The following FBXO38 variants were observed in gnomAD, a reference collection of about 807,000 sequenced individuals.
The protein encoded by FBXO38 is F-box only protein 38.
A neutral mutation model predicts 131.9 loss-of-function variants in FBXO38; 53 were observed. The observed-to-expected ratio is 0.40, with a 90% CI of 0.32 to 0.51. The LOEUF is 0.51. Ranked by LOEUF, FBXO38 falls within the 20% of genes least tolerant of loss-of-function variation. The pLI is 0.53. For missense variants in FBXO38, 1,076 were observed against 1,475.6 expected, an observed-to-expected ratio of 0.73 and a Z score of 4.44; for synonymous variants, 452 against 505.6, an observed-to-expected ratio of 0.89 and a Z score of 1.42.
chr5:148,420,010 A>G (rs1753315651), intron 12 of FBXO38, among the ~76,000 whole-genome samples: 1 of 152,158 alleles, frequency 6.6e-6, no homozygotes, highest in African/African-American at 2.4e-5. Context: ...TTGTATTTTG[A>G]GAAGTCTTAG....
At chr5:148,406,801 TTA>T (rs1432355406) in intron 7 of FBXO38, among the ~76,000 whole-genome samples, 3 of 152,082 alleles carry the variant, frequency 2.0e-5, no homozygotes, top group Non-Finnish European at 2.9e-5. Flanking sequence ...ACATAATACT[TTA>T]TAATATAAAA....
At chr5:148,412,898 TATC>T (rs1378888207) in intron 9 of FBXO38, among the ~76,000 whole-genome samples, 1 of 152,040 alleles carries the variant, frequency 6.6e-6, no homozygotes. Context: ...TCTCAAGTAA[TATC>T]ATCAGGATTT....
At chr5:148,419,150 G>C (rs1433359304) in intron 12 of FBXO38, among the ~76,000 whole-genome samples, 1 of 152,124 alleles carries the variant, frequency 6.6e-6, no homozygotes, top group Non-Finnish European at 1.5e-5. Flanking sequence ...AATGTATAAA[G>C]CATAATTGTA....
intron 10 of FBXO38, 30 bp downstream of exon 10, chr5:148,414,336 T>A: frequency 6.7e-7 from 1 of 1,503,074 alleles, no homozygotes; most frequent in Non-Finnish European, 9.0e-7. Context: ...ACAGCTATGT[T>A]TTATTGATAC....
intron 14 of FBXO38, among the ~76,000 whole-genome samples, chr5:148,426,972 A>G (rs1040498325): frequency 6.6e-5 from 10 of 152,154 alleles, no homozygotes; most frequent in Non-Finnish European, 1.0e-4. Context: ...ACATGGAAAG[A>G]TGGTTTGGAA....
In FBXO38 at chr5:148,427,487, G is replaced by A. The variant is rs534783608; in HGVS notation, c.2193G>A (p.Val731=). 1 of 1,614,244 alleles carries A rather than the reference G, an allele frequency of 6.2e-7. No homozygotes were observed. The highest frequency in any genetic ancestry group is 1.3e-5 in the African/African-American group (1 of 75,060). ...AAAGCCCCGACTTTGTAAGGACGGTGAACAGCGGCGGCTCTTCCGAGCCTA... is the reference window on the plus strand; with the variant it reads ...AAAGCCCCGACTTTGTAAGGACGGTAAACAGCGGCGGCTCTTCCGAGCCTA... ...ASQSPDFVRT[V]NSGGSSEPSP... Residue 731 remains valine, a synonymous_variant, in exon 15 of 22, where the codon GTG becomes GTA. Coordinates refer to ENST00000340253, the MANE Select transcript of FBXO38 (RefSeq NM_205836.3).
intron 3 of FBXO38, among the ~76,000 whole-genome samples, chr5:148,399,865 A>G (rs964296433): frequency 1.3e-5 from 2 of 151,988 alleles, no homozygotes; most frequent in Admixed American, 1.3e-4. Flanking sequence ...TCCTTTTTCT[A>G]TGATGTCCAG....
At chr5:148,386,207 T>A (rs558147429) in intron 1 of FBXO38, among the ~76,000 whole-genome samples, 48 of 152,198 alleles carry the variant, frequency 3.2e-4, no homozygotes, top group Admixed American at 2.9e-3. Flanking sequence ...TCTAGAAGCC[T>A]TTCTCCAAGC....
At chr5:148,394,660 G>A (rs1230566475) in intron 1 of FBXO38, 54 bp from the exon 2 acceptor site, 19 of 821,896 alleles carry the variant, frequency 2.3e-5, no homozygotes, top group Non-Finnish European at 3.3e-5. Context: ...GTTTAACCTG[G>A]GTTTTAGTAG....
Position 148,425,679 on chromosome 5 carries a change from A to T in FBXO38, c.1896A>T (p.Ser632=), listed in dbSNP as rs1206973749. The change falls in exon 14 of 22, where the codon TCA becomes TCT. Residue 632 remains serine, a synonymous_variant. Coordinates refer to ENST00000340253, the MANE Select transcript of FBXO38 (RefSeq NM_205836.3). The part of the protein sequence containing the change: ...YSEREEKTGE[S]VQSRELSVSG... ...AACGTGAAGAAAAAACTGGAGAGTC[A>T]GTGCAGTCCAGAGAATTGTCAGGTG... 6.2e-7 allele frequency: 1 copy of T among 1,613,716 alleles called. No individual in the cohort carries two copies. The highest frequency in any genetic ancestry group is 1.7e-5 in the Admixed American group (1 of 59,954).
chr5:148,397,231 C>A (rs945575637), intron 2 of FBXO38, among the ~76,000 whole-genome samples: 6 of 152,040 alleles, frequency 3.9e-5, no homozygotes, highest in African/African-American at 1.4e-4. Context: ...CTTTGCTGTC[C>A]CTGCTATGCT....
intron 14 of FBXO38, among the ~76,000 whole-genome samples, chr5:148,426,370 CACTG>C (rs1205316588): frequency 6.6e-6 from 1 of 152,200 alleles, no homozygotes; most frequent in Non-Finnish European, 1.5e-5. Flanking sequence ...ACACATTTAA[CACTG>C]ACCCTGGAAC....
chr5:148,404,280 G>A (rs1342943354), intron 5 of FBXO38, among the ~76,000 whole-genome samples: 2 of 152,174 alleles, frequency 1.3e-5, no homozygotes, highest in African/African-American at 4.8e-5. Context: ...GGGGGCAGTG[G>A]ATGTTGGTAG....
intron 14 of FBXO38, among the ~76,000 whole-genome samples, chr5:148,426,476 T>C (rs1167989617): frequency 6.6e-6 from 1 of 152,224 alleles, no homozygotes; most frequent in East Asian, 1.9e-4. Flanking sequence ...TTATTTCTTT[T>C]AAGAAATTCA....
chr5:148,406,774 T>C (rs1174873687), intron 7 of FBXO38, among the ~76,000 whole-genome samples: 1 of 152,164 alleles, frequency 6.6e-6, no homozygotes, highest in East Asian at 1.9e-4. Flanking sequence ...TAGGCATTAA[T>C]AATGTTAATC....
At chr5:148,436,380 A>G (rs1754348774) in intron 17 of FBXO38, among the ~76,000 whole-genome samples, 1 of 152,232 alleles carries the variant, frequency 6.6e-6, no homozygotes, top group African/African-American at 2.4e-5. Flanking sequence ...AGAAAGCCCA[A>G]GTGCTTAAAA....
intron 6 of FBXO38, among the ~76,000 whole-genome samples, chr5:148,405,629 A>G (rs1240781781): frequency 1.3e-5 from 2 of 151,930 alleles, no homozygotes; most frequent in Non-Finnish European, 2.9e-5. Context: ...TTCCATCTCA[A>G]TGTCTTCTCT....
Position 148,438,435 on chromosome 5 carries a change from A to T in FBXO38, c.2961A>T (p.Leu987=). 2 of 1,614,038 alleles carry T rather than the reference A, an allele frequency of 1.2e-6. No individual in the cohort carries two copies. The highest frequency in any genetic ancestry group is 1.7e-6 in the Non-Finnish European group (2 of 1,179,850). The change falls in exon 18 of 22, where the codon CTA becomes CTT. Residue 987 remains leucine, a synonymous_variant. Transcript: ENST00000340253. ...QCKKLNMDQV[L]DQILRMPPER... is the part of the protein sequence containing the mutation. ...AGAAACTGAACATGGATCAGGTACTAGACCAGATACTAAGAATGCCACCCG... is the reference window on the plus strand; with the variant it reads ...AGAAACTGAACATGGATCAGGTACTTGACCAGATACTAAGAATGCCACCCG...
Position 148,427,779 on chromosome 5 carries a change from G to A in FBXO38, c.2485G>A (p.Ala829Thr), listed in dbSNP as rs985785678. 9.3e-6 allele frequency: 15 copies of A among 1,611,208 alleles called. No homozygotes were observed. The highest frequency in any genetic ancestry group is 1.3e-5 in the Non-Finnish European group (15 of 1,178,508). ...GCCACAAGGGGGGTCTTCAGGCCCA[G>A]CACATGATGAGAGGACTAATGGGAG... ...TLPQGGSSGPAHDERTNGSGS... is the reference protein window; with the variant it reads ...TLPQGGSSGPTHDERTNGSGS... The change falls in exon 15 of 22, where the codon GCA (alanine) becomes ACA (threonine). Residue 829 changes from alanine to threonine, a missense_variant. Transcript: ENST00000340253.
Sources: gnomAD v4.1 joint callset for allele counts (sites outside exome capture counted in the v4.1 genomes callset) on GRCh38, gnomAD v4.1.1 for gene constraint, MANE v1.5 for transcripts, NCBI Gene and HGNC (gene_info 2026-07-23, HGNC 2026-07-21) for gene names.